The following DCC variants were observed in gnomAD, a reference collection of about 807,000 sequenced individuals.
The protein encoded by DCC is netrin receptor DCC.
Under a neutral mutation model 172.5 loss-of-function variants are expected in DCC, and 58 were observed. The ratio of observed to expected loss-of-function variants is 0.34; its 90% CI spans 0.27 to 0.42. The LOEUF is 0.42. Ranked by LOEUF, DCC falls within the 10% of genes least tolerant of loss-of-function variation. DCC has a pLI of 1.00. For synonymous variants in DCC, 709 were observed against 644.5 expected, an observed-to-expected ratio of 1.10 and a Z score of -1.52; for missense variants, 1,740 against 1,791.0, an observed-to-expected ratio of 0.97 and a Z score of 0.51.
intron 2 of DCC, among the ~76,000 whole-genome samples, chr18:52,796,256 A>G (rs1242448997): frequency 1.3e-5 from 2 of 151,878 alleles, no homozygotes; most frequent in East Asian, 3.9e-4. Context: ...CTTATTAATA[A>G]GTGAGGACTT....
intron 5 of DCC, among the ~76,000 whole-genome samples, chr18:52,971,602 G>A (rs751681432): frequency 9.2e-5 from 14 of 151,964 alleles, no homozygotes; most frequent in Non-Finnish European, 2.1e-4. Context: ...GGGAATGACA[G>A]AAGCAAGAAA....
At chr18:52,982,931 T>C (rs957799525) in intron 5 of DCC, among the ~76,000 whole-genome samples, 1 of 152,206 alleles carries the variant, frequency 6.6e-6, no homozygotes, top group Non-Finnish European at 1.5e-5. Context: ...TTGTATTGCC[T>C]GATAATAATG....
intron 1 of DCC, among the ~76,000 whole-genome samples, chr18:52,404,144 CA>C (rs1219968555): frequency 1.3e-5 from 2 of 151,512 alleles, no homozygotes; most frequent in African/African-American, 2.4e-5. Context: ...ACTTATCAGG[CA>C]AAAAAATATG....
At chr18:53,440,389 A>T (rs1246349422) in intron 22 of DCC, among the ~76,000 whole-genome samples, 1 of 152,194 alleles carries the variant, frequency 6.6e-6, no homozygotes, top group Non-Finnish European at 1.5e-5. Flanking sequence ...TGGTACATCA[A>T]TGTTAATAAA....
At chr18:52,530,437 T>C (rs2032115411) in intron 1 of DCC, among the ~76,000 whole-genome samples, 1 of 152,216 alleles carries the variant, frequency 6.6e-6, no homozygotes, top group Admixed American at 6.5e-5. Context: ...GCAATGACTT[T>C]GTGATAGTTA....
At chr18:52,668,110 C>A (rs1355241566) in intron 1 of DCC, among the ~76,000 whole-genome samples, 1 of 151,648 alleles carries the variant, frequency 6.6e-6, no homozygotes, top group African/African-American at 2.4e-5. Context: ...AGGTTGCCAG[C>A]TTTCCGGAAA....
chr18:53,501,518 A>G (rs1314375061), intron 27 of DCC, among the ~76,000 whole-genome samples: 1 of 152,200 alleles, frequency 6.6e-6, no homozygotes, highest in Admixed American at 6.5e-5. Context: ...ATTGAAGAAT[A>G]TATTTTCTCA....
At chr18:52,969,005 A>AAACAAC (rs146523373) in intron 5 of DCC, among the ~76,000 whole-genome samples, 2,127 of 152,140 alleles carry the variant, frequency 0.014, 58 homozygotes, top group African/African-American at 0.049. Context: ...TTGCATTAAA[A>AAACAAC]AACAACAACA....
rs114229564 is a variant in DCC at position 53,347,121 on chromosome 18, T to A, written c.2359+7214T>A. On this transcript the variant is annotated intron_variant, in intron 15 of 28. Transcript: ENST00000442544. ...TTTTGTATACTTTTTGTAAACTGTT[T>A]CCCTCATCCCCTGAAACTACTTTCA... 3.7e-4 allele frequency among the ~76,000 whole-genome samples: 57 copies of A among 152,264 alleles called. 1 individual carries two copies. The East Asian group carries it at 0.01, about 27-fold the overall frequency.
intron 19 of DCC, among the ~76,000 whole-genome samples, chr18:53,410,091 C>T (rs547056289): frequency 1.3e-5 from 2 of 152,244 alleles, no homozygotes; most frequent in Admixed American, 6.5e-5. Flanking sequence ...TTATTTTCAT[C>T]ATTGGACTAC....
intron 27 of DCC, among the ~76,000 whole-genome samples, chr18:53,513,461 C>G (rs948849105): frequency 2.6e-5 from 4 of 152,154 alleles, no homozygotes; most frequent in Non-Finnish European, 4.4e-5. Context: ...TCACACATAA[C>G]AATATTAACT....
chr18:52,981,680 G>T (rs542003224), intron 5 of DCC, among the ~76,000 whole-genome samples: 1 of 152,188 alleles, frequency 6.6e-6, no homozygotes, highest in Non-Finnish European at 1.5e-5. Context: ...AATATTTTTT[G>T]ATTAGAAGTA....
chr18:53,311,215 G>A (rs986877227), intron 13 of DCC, among the ~76,000 whole-genome samples: 35 of 151,912 alleles, frequency 2.3e-4, no homozygotes, highest in African/African-American at 6.3e-4. Flanking sequence ...TCTGCCTCCC[G>A]GGTTCAAGTG....
chr18:52,419,472 A>G lies in DCC; in HGVS notation c.91+78594A>G, dbSNP rs573171464. ...CATTGTCTGTAGGACTTGATTAGAG[A>G]GTACGACCAAGGAATTGGCTACAGT... On this transcript the variant is annotated intron_variant, in intron 1 of 28. Coordinates refer to ENST00000442544, the MANE Select transcript of DCC (RefSeq NM_005215.4). 24 of 152,302 alleles carry G rather than the reference A, an allele frequency of 1.6e-4. No individual in the cohort carries two copies. In the East Asian group the frequency reaches 4.4e-3, roughly 28 times the overall value. The allele number at this position is 152,302 out of a possible 1,614,324, so 9.4% of individuals were successfully genotyped here.
At chr18:52,826,368 AT>A (rs999630221) in intron 2 of DCC, among the ~76,000 whole-genome samples, 1 of 152,184 alleles carries the variant, frequency 6.6e-6, no homozygotes, top group African/African-American at 2.4e-5. Context: ...CAAAAAGAAA[AT>A]TTAGCTTTAC....
chr18:52,654,237 T>C (rs1333581341), intron 1 of DCC, among the ~76,000 whole-genome samples: 2 of 152,180 alleles, frequency 1.3e-5, no homozygotes, highest in African/African-American at 4.8e-5. Flanking sequence ...AATATCTAAT[T>C]GCAAGAGCAG....
chr18:52,493,875 T>C (rs1382432586), intron 1 of DCC, among the ~76,000 whole-genome samples: 1 of 151,888 alleles, frequency 6.6e-6, no homozygotes, highest in African/African-American at 2.4e-5. Flanking sequence ...TAATTCTAAA[T>C]ATACTTTAAA....
At chr18:52,902,843 C>G (rs770859419) in intron 2 of DCC, among the ~76,000 whole-genome samples, 1 of 152,292 alleles carries the variant, frequency 6.6e-6, no homozygotes, top group East Asian at 1.9e-4. Context: ...AAAGAAAAGA[C>G]TATGCATCAT....
At chr18:52,958,474 A>G (rs993847853) in intron 5 of DCC, among the ~76,000 whole-genome samples, 3 of 152,178 alleles carry the variant, frequency 2.0e-5, no homozygotes, top group African/African-American at 4.8e-5. Context: ...TAATAATTCC[A>G]TATTTTCAAA....
Sources: allele counts gnomAD v4.1 joint callset (sites outside exome capture counted in the v4.1 genomes callset), GRCh38; gene constraint gnomAD v4.1.1; transcripts MANE v1.5; gene names NCBI Gene and HGNC (gene_info 2026-07-23, HGNC 2026-07-21).